MTUS2: variants seen among roughly 807,000 people sequenced by gnomAD.
The protein encoded by MTUS2 is microtubule-associated tumor suppressor candidate 2.
In MTUS2, 40 loss-of-function variants were observed where a neutral mutation model predicts 114.1. That is an observed-to-expected ratio of 0.35 (90% confidence interval 0.27 to 0.46). The LOEUF (loss-of-function observed/expected upper bound fraction) is 0.46, where lower values mean the gene tolerates loss of function less well. MTUS2 is among the 20% of genes least tolerant of loss of function. The pLI is 1.00. For synonymous variants in MTUS2, 688 were observed against 672.0 expected, an observed-to-expected ratio of 1.02 and a Z score of -0.37; for missense variants, 1,679 against 1,705.4, an observed-to-expected ratio of 0.98 and a Z score of 0.27.
chr13:29,114,189 G>A (rs145271797), intron 5 of MTUS2, among the ~76,000 whole-genome samples: 146 of 151,942 alleles, frequency 9.6e-4, no homozygotes, highest in Non-Finnish European at 1.9e-3. Flanking sequence ...CCAGTCCCAG[G>A]TACTTCTTTA....
intron 9 of MTUS2, among the ~76,000 whole-genome samples, chr13:29,452,621 T>TA (rs71090257): frequency 3.3e-5 from 5 of 150,486 alleles, no homozygotes; most frequent in African/African-American, 1.2e-4. Flanking sequence ...TATATATATA[T>TA]TTTGTAGAGA....
At chr13:28,928,108 G>C (rs1881422100) in intron 2 of MTUS2, among the ~76,000 whole-genome samples, 1 of 151,944 alleles carries the variant, frequency 6.6e-6, no homozygotes, top group Non-Finnish European at 1.5e-5. Context: ...AATAAAAATG[G>C]AATAAAGACT....
chr13:29,073,753 C>T (rs1406837829), intron 4 of MTUS2, among the ~76,000 whole-genome samples: 2 of 152,104 alleles, frequency 1.3e-5, no homozygotes, highest in Non-Finnish European at 2.9e-5. Flanking sequence ...TGTAGGAGAG[C>T]CTCCCATAGA....
intron 5 of MTUS2, among the ~76,000 whole-genome samples, chr13:29,150,432 GGACATTC>G (rs1234024496): frequency 1.3e-5 from 2 of 152,082 alleles, no homozygotes; most frequent in African/African-American, 4.8e-5. Context: ...TATGGATTCT[GGACATTC>G]GACCTTTGTC....
chr13:29,324,876 A>C (rs1202809954), intron 7 of MTUS2, among the ~76,000 whole-genome samples, 165 bp downstream of exon 7: 1 of 152,260 alleles, frequency 6.6e-6, no homozygotes, highest in East Asian at 1.9e-4. Flanking sequence ...GAAATGAACC[A>C]GCTGTTCACA....
At chr13:29,269,196 G>A (rs934118346) in intron 5 of MTUS2, among the ~76,000 whole-genome samples, 11 of 152,134 alleles carry the variant, frequency 7.2e-5, no homozygotes, top group African/African-American at 2.4e-4. Flanking sequence ...GTGCCCATTT[G>A]TCCTTAGGTC....
Position 29,036,325 on chromosome 13 carries a change from C to G in MTUS2, c.2446+2200C>G, listed in dbSNP as rs575248366. 2.0e-5 allele frequency among the ~76,000 whole-genome samples: 3 copies of G among 152,248 alleles called. No homozygotes were observed. The East Asian group carries it at 5.8e-4, about 29-fold the overall frequency. ...TCAGAAAGCTGTGGCGAAGAAGAAACAGTTGGCACTTTTTGATAATTATGT... is the reference window on the plus strand; with the variant it reads ...TCAGAAAGCTGTGGCGAAGAAGAAAGAGTTGGCACTTTTTGATAATTATGT... On this transcript the variant is annotated intron_variant, in intron 4 of 15. Transcript: ENST00000612955.
intron 7 of MTUS2, among the ~76,000 whole-genome samples, chr13:29,328,889 T>A (rs1420145509): frequency 6.6e-6 from 1 of 152,202 alleles, no homozygotes; most frequent in East Asian, 1.9e-4. Flanking sequence ...ATCTGTCATG[T>A]TATGCTGTGT....
chr13:29,453,810 T>G (rs1423264134), intron 9 of MTUS2, among the ~76,000 whole-genome samples: 2 of 152,218 alleles, frequency 1.3e-5, no homozygotes, highest in African/African-American at 4.8e-5. Context: ...AACTTACTAT[T>G]GCTTGCATAA....
chr13:29,322,354 G>A (rs1433341357), intron 6 of MTUS2, among the ~76,000 whole-genome samples: 1 of 152,010 alleles, frequency 6.6e-6, no homozygotes. Flanking sequence ...CCATATAGTG[G>A]GTACCCTGAG....
At chr13:28,960,355 A>G (rs1300832956) in intron 2 of MTUS2, among the ~76,000 whole-genome samples, 2 of 152,232 alleles carry the variant, frequency 1.3e-5, no homozygotes, top group African/African-American at 2.4e-5. Flanking sequence ...GAGTTATCAT[A>G]TGACTCAGTA....
chr13:28,821,225 A>G (rs920351219), intron 1 of MTUS2, among the ~76,000 whole-genome samples: 9 of 152,188 alleles, frequency 5.9e-5, no homozygotes, highest in East Asian at 3.9e-4. Flanking sequence ...TCATGCTTTT[A>G]GTTTACTTGG....
chr13:29,178,184 C>T (rs953160427), intron 5 of MTUS2, among the ~76,000 whole-genome samples: 6 of 152,136 alleles, frequency 3.9e-5, no homozygotes, highest in Admixed American at 6.5e-5. Context: ...CGTTGAATAC[C>T]AAACAACAGA....
chr13:29,183,475 C>T (rs767730435), intron 5 of MTUS2, among the ~76,000 whole-genome samples: 2 of 151,984 alleles, frequency 1.3e-5, no homozygotes, highest in African/African-American at 2.4e-5. Flanking sequence ...TATCAAGTAA[C>T]GAGTCTGGAG....
chr13:29,235,801 A>G (rs1370955484), intron 5 of MTUS2, among the ~76,000 whole-genome samples: 2 of 150,204 alleles, frequency 1.3e-5, no homozygotes, highest in Non-Finnish European at 2.9e-5. Flanking sequence ...TTATTTGCAT[A>G]TTAATTCTTT....
intron 2 of MTUS2, among the ~76,000 whole-genome samples, chr13:28,917,568 C>G (rs1213181164): frequency 6.9e-6 from 1 of 145,858 alleles, no homozygotes; most frequent in Admixed American, 6.8e-5. Context: ...GTTGTAATGT[C>G]TTTTTTTTTT....
intron 6 of MTUS2, among the ~76,000 whole-genome samples, chr13:29,310,040 C>A (rs183049332): frequency 2.0e-5 from 3 of 152,114 alleles, no homozygotes; most frequent in Admixed American, 2.0e-4. Context: ...ATTTTTGTAT[C>A]CATTAATCAT....
intron 7 of MTUS2, among the ~76,000 whole-genome samples, chr13:29,338,653 GTCTATGA>G (rs1268053578): frequency 6.6e-6 from 1 of 152,142 alleles, no homozygotes; most frequent in African/African-American, 2.4e-5. Context: ...TTACATTTAA[GTCTATGA>G]TCCACTTGAG....
At chr13:29,453,347 A>G (rs1878873264) in intron 9 of MTUS2, among the ~76,000 whole-genome samples, 1 of 152,232 alleles carries the variant, frequency 6.6e-6, no homozygotes, top group Non-Finnish European at 1.5e-5. Context: ...CCTCTGGCCC[A>G]GGGATTAGCA....
Sources: gnomAD v4.1 joint callset for allele counts (sites outside exome capture counted in the v4.1 genomes callset) on GRCh38, gnomAD v4.1.1 for gene constraint, MANE v1.5 for transcripts, NCBI Gene and HGNC (gene_info 2026-07-23, HGNC 2026-07-21) for gene names.